Variants in BAALC observed in about 807,000 individuals in gnomAD.
The protein encoded by BAALC is brain and acute leukemia cytoplasmic protein.
In BAALC, 9 loss-of-function variants were observed where a neutral mutation model predicts 15.5. The ratio of observed to expected loss-of-function variants is 0.58; its 90% confidence interval spans 0.35 to 1.02. The LOEUF is 1.02. Ranked by LOEUF, BAALC falls within the 50% of genes least tolerant of loss-of-function variation. The pLI is 0.02. For synonymous variants in BAALC, 80 were observed against 74.6 expected, an observed-to-expected ratio of 1.07 and a Z score of -0.37; for missense variants, 201 against 192.4, an observed-to-expected ratio of 1.04 and a Z score of -0.27.
intron 1 of BAALC, 137 bp from the exon 2 acceptor site, chr8:103,212,782 G>C (rs767031070): frequency 2.6e-6 from 2 of 777,182 alleles, no homozygotes; most frequent in East Asian, 2.7e-5. Context: ...TTATAGAAAA[G>C]GGTAGCTCTG....
At chr8:103,153,595 T>C (rs905653289) in intron 1 of BAALC, among the ~76,000 whole-genome samples, 1 of 152,218 alleles carries the variant, frequency 6.6e-6, no homozygotes, top group African/African-American at 2.4e-5. Context: ...TCTGCCTTAT[T>C]TTCCTGCAAG....
chr8:103,169,421 T>C (rs904291130), intron 1 of BAALC, among the ~76,000 whole-genome samples: 4 of 152,228 alleles, frequency 2.6e-5, no homozygotes, highest in African/African-American at 4.8e-5. Context: ...TTCTCTTGTT[T>C]CGTGGCTTTC....
At chr8:103,190,351 C>T (rs1389782843) in intron 1 of BAALC, among the ~76,000 whole-genome samples, 1 of 152,162 alleles carries the variant, frequency 6.6e-6, no homozygotes, top group African/African-American at 2.4e-5. Context: ...CCACTCCGCC[C>T]CCATCCCATT....
intron 1 of BAALC, among the ~76,000 whole-genome samples, chr8:103,189,678 T>C (rs1811922396): frequency 6.6e-6 from 1 of 152,108 alleles, no homozygotes. Flanking sequence ...TGGGGGATCA[T>C]GTGGAGAAAT....
chr8:103,177,954 A>C (rs1180016387), intron 1 of BAALC, among the ~76,000 whole-genome samples: 1 of 152,240 alleles, frequency 6.6e-6, no homozygotes, highest in African/African-American at 2.4e-5. Context: ...CATAGAAGTT[A>C]GGCTGCTTGC....
intron 1 of BAALC, among the ~76,000 whole-genome samples, chr8:103,144,812 G>A (rs1810846795): frequency 6.6e-6 from 1 of 152,198 alleles, no homozygotes; most frequent in Admixed American, 6.5e-5. Flanking sequence ...CTGAAAGATA[G>A]TCAAATAAAA....
chr8:103,143,674 G>T (rs1445866358), intron 1 of BAALC, among the ~76,000 whole-genome samples: 1 of 152,136 alleles, frequency 6.6e-6, no homozygotes, highest in African/African-American at 2.4e-5. Context: ...ATTCTCCTTT[G>T]GTGTCAAACT....
chr8:103,210,283 A>G (rs1812423160), intron 1 of BAALC, among the ~76,000 whole-genome samples: 1 of 152,240 alleles, frequency 6.6e-6, no homozygotes, highest in South Asian at 2.1e-4. Context: ...CAGCACCCCA[A>G]TGTGCTGAGG....
intron 2 of BAALC, among the ~76,000 whole-genome samples, chr8:103,214,538 C>A (rs2130070783): frequency 6.6e-6 from 1 of 152,332 alleles, no homozygotes; most frequent in Non-Finnish European, 1.5e-5. Flanking sequence ...AACTCATTAT[C>A]TAATGATGGA....
chr8:103,164,099 G>T (rs554318502), intron 1 of BAALC, among the ~76,000 whole-genome samples: 6 of 152,180 alleles, frequency 3.9e-5, no homozygotes, highest in African/African-American at 1.4e-4. Flanking sequence ...GTGGTAAGGC[G>T]AGGGGTCTTT....
In BAALC at chr8:103,186,199, C is replaced by T. The variant is rs182465586; in HGVS notation, c.161-26720C>T. 1.9e-3 allele frequency among the ~76,000 whole-genome samples: 286 copies of T among 152,306 alleles called. 2 individuals are homozygous for T. The highest frequency in any genetic ancestry group is 0.017 in the Middle Eastern group (5 of 294). ...TACTGGATGTCCAGGAGTTGCTTCC[C>T]TTTATGGGGGGCTCCCCAGCATGTA... On this transcript the variant is annotated intron_variant, in intron 1 of 2. Coordinates refer to ENST00000309982, the MANE Select transcript of BAALC (RefSeq NM_024812.3).
chr8:103,171,060 C>A (rs1393678940), intron 1 of BAALC, among the ~76,000 whole-genome samples: 1 of 150,646 alleles, frequency 6.6e-6, no homozygotes, highest in Non-Finnish European at 1.5e-5. Flanking sequence ...TCAAGCCAAA[C>A]AGAGCCAGCT....
Position 103,141,216 on chromosome 8 carries a change from T to G in BAALC, c.160+159T>G, listed in dbSNP as rs1810767895. 10 of 829,020 alleles carry G rather than the reference T, an allele frequency of 1.2e-5. No homozygotes were observed. The Admixed American group carries it at 2.6e-4, about 21-fold the overall frequency. 51.4% of individuals were successfully genotyped at this position (829,020 alleles called of 1,614,324 possible). ...ACCTGCCCACTGATCAGTGGACAGA[T>G]GCAAGCCCAGGGAGTGGGGTCGACC... On this transcript the variant is annotated intron_variant, in intron 1 of 2. Coordinates refer to ENST00000309982, the MANE Select transcript of BAALC (RefSeq NM_024812.3).
intron 1 of BAALC, among the ~76,000 whole-genome samples, chr8:103,155,710 T>C (rs917704207): frequency 2.0e-5 from 3 of 152,224 alleles, no homozygotes; most frequent in Non-Finnish European, 4.4e-5. Context: ...AGTGGCTGCA[T>C]ATCAGATTCA....
At chr8:103,188,641 A>G (rs776204634) in intron 1 of BAALC, among the ~76,000 whole-genome samples, 4 of 152,194 alleles carry the variant, frequency 2.6e-5, no homozygotes, top group Non-Finnish European at 4.4e-5. Context: ...TTCTAAAGGA[A>G]TTCTGCGAGA....
intron 1 of BAALC, among the ~76,000 whole-genome samples, chr8:103,171,549 A>G (rs1811495009): frequency 6.6e-6 from 1 of 152,206 alleles, no homozygotes. Flanking sequence ...TATGAACCCA[A>G]TATCCAGATT....
chr8:103,149,865 C>T (rs1810947474), intron 1 of BAALC, among the ~76,000 whole-genome samples: 1 of 152,116 alleles, frequency 6.6e-6, no homozygotes, highest in African/African-American at 2.4e-5. Flanking sequence ...TCCCTCTTAC[C>T]TCCCCCTCAA....
At chr8:103,209,217 C>T (rs553080911) in intron 1 of BAALC, among the ~76,000 whole-genome samples, 1 of 152,202 alleles carries the variant, frequency 6.6e-6, no homozygotes, top group African/African-American at 2.4e-5. Context: ...ATTTAAAATA[C>T]AAAAATTAGC....
chr8:103,200,952 A>G (rs1812201939), intron 1 of BAALC, among the ~76,000 whole-genome samples: 1 of 152,168 alleles, frequency 6.6e-6, no homozygotes, highest in African/African-American at 2.4e-5. Flanking sequence ...AAATTGCATT[A>G]GAATACTTTT....
Sources: gnomAD v4.1 joint callset for allele counts (sites outside exome capture counted in the v4.1 genomes callset) on GRCh38, gnomAD v4.1.1 for gene constraint, MANE v1.5 for transcripts, NCBI Gene and HGNC (gene_info 2026-07-23, HGNC 2026-07-21) for gene names.